KANK4: variants seen among roughly 807,000 people sequenced by gnomAD.
KANK4 encodes KN motif and ankyrin repeat domain-containing protein 4.
Under a neutral mutation model 80.8 loss-of-function variants are expected in KANK4, and 50 were observed. That is an observed-to-expected ratio of 0.62 (90% CI 0.49 to 0.78). The LOEUF (loss-of-function observed/expected upper bound fraction) is 0.78. Ranked by LOEUF, KANK4 falls within the 30% of genes least tolerant of loss-of-function variation. KANK4 has a pLI of 0.00. For synonymous variants in KANK4, 465 were observed against 506.9 expected (o/e 0.92, Z 1.11); for missense variants, 1,196 against 1,240.1 (o/e 0.96, Z 0.53).
intron 1 of KANK4, among the ~76,000 whole-genome samples, chr1:62,314,057 A>G (rs2149175244): frequency 6.6e-6 from 1 of 152,254 alleles, no homozygotes; most frequent in Non-Finnish European, 1.5e-5. Context: ...CTTGCCGCCC[A>G]GGCTGGAGTA....
At chr1:62,253,340 G>A (rs1020539477) in intron 7 of KANK4, 131 bp from the exon 8 acceptor site, 3 of 674,568 alleles carry the variant, frequency 4.4e-6, no homozygotes, top group Non-Finnish European at 6.8e-6. Context: ...TCCACAGCTG[G>A]AGCCAGTGGT....
chr1:62,305,068 G>GCTTA (rs1457836299), intron 1 of KANK4, among the ~76,000 whole-genome samples: 2 of 150,748 alleles, frequency 1.3e-5, no homozygotes, highest in Non-Finnish European at 1.5e-5. Flanking sequence ...GCAGGAAGGA[G>GCTTA]GTGTCACTTG....
At chr1:62,253,603 G>A (rs1352807617) in intron 7 of KANK4, among the ~76,000 whole-genome samples, 1 of 151,880 alleles carries the variant, frequency 6.6e-6, no homozygotes, top group Admixed American at 6.6e-5. Flanking sequence ...TAGTAGAGAC[G>A]GGGTTTCACC....
At chr1:62,249,624 C>T (rs1671562746) in intron 8 of KANK4, among the ~76,000 whole-genome samples, 1 of 149,900 alleles carries the variant, frequency 6.7e-6, no homozygotes, top group African/African-American at 2.5e-5. Context: ...CTCACTGCAA[C>T]CTCTGCCTCA....
At chr1:62,300,531 T>G (rs1239184820) in intron 1 of KANK4, among the ~76,000 whole-genome samples, 1 of 151,796 alleles carries the variant, frequency 6.6e-6, no homozygotes, top group East Asian at 1.9e-4. Flanking sequence ...GAAGGATGAG[T>G]AAAAGTTAAG....
At position 62,266,761 on chromosome 1, in the gene KANK4, C is replaced by T. The variant is rs141234648; in HGVS notation, c.2290G>A (p.Glu764Lys). 1.9e-6 allele frequency: 3 copies of T among 1,612,786 alleles called. No individual in the cohort carries two copies. In the African/African-American group the frequency reaches 4.0e-5, roughly 22 times the overall value. ...ACRALSQHLP[E>K]TGTTTDQLLR... Reference sequence around the variant, plus strand: ...AGCTGGTCTGTGGTGGTCCCAGTTTCTGGCAGATGCTGGCTCAGTGCCCGG... The same window carrying T: ...AGCTGGTCTGTGGTGGTCCCAGTTTTTGGCAGATGCTGGCTCAGTGCCCGG... The change falls in exon 6 of 10, where the codon GAA becomes AAA. Residue 764 changes from glutamate to lysine, a missense_variant. Around this residue, in one of 3 missense-constraint regions of KANK4, gnomAD observed 1,154 missense variants for 1,179.6 expected, o/e 0.98. Transcript: ENST00000371153.
At chr1:62,272,793 C>CTTT (rs57507456) in intron 3 of KANK4, 8,974 of 142,230 alleles carry the variant, frequency 0.063, 377 homozygotes, top group East Asian at 0.13. Flanking sequence ...ATCTTTTTTT[C>CTTT]TTTTTTTTTT....
intron 1 of KANK4, among the ~76,000 whole-genome samples, chr1:62,284,372 T>A (rs1467285106): frequency 6.6e-6 from 1 of 152,192 alleles, no homozygotes; most frequent in Non-Finnish European, 1.5e-5. Context: ...CATAAAGCCA[T>A]TTCTTTTGAT....
intron 1 of KANK4, among the ~76,000 whole-genome samples, chr1:62,284,218 G>A (rs1672513162): frequency 6.6e-6 from 1 of 152,146 alleles, no homozygotes; most frequent in African/African-American, 2.4e-5. Context: ...GCTCAGTGTG[G>A]TTAGGTTAGG....
At chr1:62,276,315 T>C (rs1343972262) in intron 2 of KANK4, among the ~76,000 whole-genome samples, 3 of 152,170 alleles carry the variant, frequency 2.0e-5, no homozygotes. Flanking sequence ...CTAAACAGGC[T>C]CTGAAAATAT....
At chr1:62,259,942 T>C (rs952221839) in intron 7 of KANK4, among the ~76,000 whole-genome samples, 2 of 152,086 alleles carry the variant, frequency 1.3e-5, no homozygotes, top group African/African-American at 4.8e-5. Context: ...TAGATGACAT[T>C]TGACCGAGGC....
At chr1:62,268,240 AC>A (rs745703509) in intron 5 of KANK4, 46 bp downstream of exon 5, 1 of 1,473,970 alleles carries the variant, frequency 6.8e-7, no homozygotes, top group Non-Finnish European at 9.5e-7. Context: ...TATGCCCTTG[AC>A]CTTTTTCAGA....
chr1:62,282,601 G>C (rs1043470957), intron 1 of KANK4, among the ~76,000 whole-genome samples: 1 of 152,212 alleles, frequency 6.6e-6, no homozygotes, highest in Admixed American at 6.5e-5. Context: ...TGGAAAAAAG[G>C]GGACAAACAA....
At chr1:62,263,020 T>C in intron 7 of KANK4, 72 bp downstream of exon 7, 2 of 1,144,236 alleles carry the variant, frequency 1.7e-6, no homozygotes, top group Non-Finnish European at 2.6e-6. Context: ...TTGAAATTTT[T>C]GAAAAAAATT....
intron 1 of KANK4, among the ~76,000 whole-genome samples, chr1:62,288,013 A>G (rs1672605291): frequency 6.6e-6 from 1 of 152,230 alleles, no homozygotes; most frequent in Non-Finnish European, 1.5e-5. Flanking sequence ...TAAACTGGCT[A>G]GAGAACAGCT....
intron 9 of KANK4, among the ~76,000 whole-genome samples, chr1:62,245,749 G>A (rs1019231573): frequency 1.3e-5 from 2 of 152,134 alleles, no homozygotes; most frequent in African/African-American, 2.4e-5. Flanking sequence ...TAATGCATGG[G>A]AAAGGTTTAG....
chr1:62,268,363 C>T lies in KANK4; in HGVS notation c.2155G>A (p.Gly719Ser), dbSNP rs376946344. The T allele has an allele frequency of 1.2e-6, 2 of 1,614,094 alleles. No homozygotes were observed. The highest frequency in any genetic ancestry group is 1.7e-6 in the Non-Finnish European group (2 of 1,180,006). Residue 719 changes from glycine to serine, a missense_variant, in exon 5 of 10, where the codon GGC becomes AGC. This residue lies in a region of KANK4 where 1,154 missense variants were observed against 1,179.6 expected (regional missense o/e 0.98). Transcript: ENST00000371153. ...GCATGGCAGGTGCCCTCAGGGATGCCCTGCCCAGCCTCGCAGGTGAGATGG... is the reference window on the plus strand; with the variant it reads ...GCATGGCAGGTGCCCTCAGGGATGCTCTGCCCAGCCTCGCAGGTGAGATGG... Reference protein sequence around the residue: ...DAHLTCEAGQGIPEGTCHAAQ... With the variant: ...DAHLTCEAGQSIPEGTCHAAQ...
chr1:62,242,704 TA>T (rs1034103906), intron 9 of KANK4, among the ~76,000 whole-genome samples: 24 of 152,266 alleles, frequency 1.6e-4, no homozygotes, highest in African/African-American at 5.8e-4. Flanking sequence ...GTTGATGAAA[TA>T]AACCAATTTC....
At position 62,268,413 on chromosome 1, in the gene KANK4, G is replaced by A; in HGVS notation, c.2105C>T (p.Pro702Leu). Reference protein sequence around the residue: ...DSEAEKKCDGPDHKHVKDAHL... With the variant: ...DSEAEKKCDGLDHKHVKDAHL... ...GGCATCTTTGACATGCTTGTGATCT[G>A]GGCCGTCACACTTCTTCTCTGCCTC... The change falls in exon 5 of 10, where the codon CCA becomes CTA. Residue 702 changes from proline (P) to leucine (L), a missense_variant. Coordinates refer to ENST00000371153, the MANE Select transcript of KANK4 (RefSeq NM_181712.5). 2.5e-6 allele frequency: 4 copies of A among 1,613,944 alleles called. No homozygotes were observed. The highest frequency in any genetic ancestry group is 3.4e-6 in the Non-Finnish European group (4 of 1,180,004).
Sources: allele counts gnomAD v4.1 joint callset (sites outside exome capture counted in the v4.1 genomes callset), GRCh38; gene constraint gnomAD v4.1.1; regional missense constraint gnomAD v4.1.1; transcripts MANE v1.5; gene names NCBI Gene and HGNC (gene_info 2026-07-23, HGNC 2026-07-21).